Variants in CTSS observed in about 807,000 individuals in gnomAD.
CTSS encodes cathepsin S.
A neutral mutation model predicts 39.9 loss-of-function variants in CTSS; 15 were observed. The observed-to-expected ratio is 0.38, with a 90% CI of 0.25 to 0.58. The LOEUF is 0.58. Ranked by LOEUF, CTSS falls within the 20% of genes least tolerant of loss-of-function variation. The pLI, the probability that CTSS is intolerant of heterozygous loss-of-function variation, is 0.70. For missense variants in CTSS, 250 were observed against 398.2 expected, an observed-to-expected ratio of 0.63 and a Z score of 3.17; for synonymous variants, 126 against 138.2, an observed-to-expected ratio of 0.91 and a Z score of 0.62.
Position 150,757,948 on chromosome 1 carries a change from T to G in CTSS, c.159A>C (p.Glu53Asp). The change falls in exon 3 of 8, where the codon GAA (glutamate) becomes GAC (aspartate). Residue 53 changes from glutamate (E) to aspartate (D), a missense_variant. Physicochemically the swap from Glu to Asp is conservative, Grantham distance 45. Transcript: ENST00000368985. ...GAAGCATCACAAACTTTAGATTCTT[T>G]TCCCAGATGAGACGTCGTACTGCTT... ...NEEAVRRLIW[E>D]KNLKFVMLHN... 2 of 1,614,078 alleles carry G rather than the reference T, an allele frequency of 1.2e-6. No individual in the cohort carries two copies. Among genetic ancestry groups the G allele is most frequent in the Non-Finnish European group, 1.7e-6 (2 of 1,179,952 alleles).
chr1:150,760,862 C>T (rs1358146218), intron 2 of CTSS, among the ~76,000 whole-genome samples: 1 of 146,436 alleles, frequency 6.8e-6, no homozygotes, highest in East Asian at 2.0e-4. Flanking sequence ...ACCTGGGTGA[C>T]AGAGCAAGAT....
At chr1:150,762,338 T>C (rs587636064) in intron 2 of CTSS, among the ~76,000 whole-genome samples, 3 of 152,100 alleles carry the variant, frequency 2.0e-5, no homozygotes, top group Admixed American at 1.3e-4. Flanking sequence ...TAAGAAAATA[T>C]AGGGGAAAAC....
intron 1 of CTSS, among the ~76,000 whole-genome samples, chr1:150,765,314 C>G (rs1653352865): frequency 6.7e-6 from 1 of 150,116 alleles, no homozygotes; most frequent in African/African-American, 2.5e-5. Context: ...GATCAGACAT[C>G]TGTTTCAAAT....
intron 3 of CTSS, among the ~76,000 whole-genome samples, chr1:150,756,060 T>TTA (rs1187121685): frequency 1.1e-4 from 16 of 152,178 alleles, no homozygotes; most frequent in African/African-American, 3.6e-4. Context: ...ATTTTCTTCT[T>TTA]TATCACCTTC....
chr1:150,764,268 C>T (rs1192003973), intron 2 of CTSS, among the ~76,000 whole-genome samples: 2 of 152,082 alleles, frequency 1.3e-5, no homozygotes, highest in African/African-American at 2.4e-5. Flanking sequence ...GATGGAGTCT[C>T]ACTCTGTCAC....
chr1:150,752,592 C>T (rs1653029924), intron 4 of CTSS, among the ~76,000 whole-genome samples: 1 of 152,046 alleles, frequency 6.6e-6, no homozygotes, highest in Non-Finnish European at 1.5e-5. Context: ...CTCTTTCTCT[C>T]TCCTTCCCTC....
intron 7 of CTSS, among the ~76,000 whole-genome samples, chr1:150,745,704 CAT>C (rs1341190587): frequency 1.3e-5 from 2 of 151,894 alleles, no homozygotes; most frequent in Non-Finnish European, 2.9e-5. Context: ...GACAGAAATG[CAT>C]ACAGGGAGAA....
intron 2 of CTSS, among the ~76,000 whole-genome samples, chr1:150,759,616 A>G (rs938042279): frequency 6.6e-6 from 1 of 152,166 alleles, no homozygotes; most frequent in African/African-American, 2.4e-5. Context: ...CTTTATATAT[A>G]GTCTTTTGAA....
intron 7 of CTSS, among the ~76,000 whole-genome samples, chr1:150,743,224 A>T (rs1035086117): frequency 2.0e-5 from 3 of 151,992 alleles, no homozygotes; most frequent in African/African-American, 7.2e-5. Flanking sequence ...GCCATTGCAT[A>T]TGTTTTTTGG....
rs200031254 is a variant in CTSS, at chr1:150,740,351, C to CT, written c.897-7207dup. Among the ~76,000 whole-genome samples, 535 of 151,954 alleles carry CT rather than the reference C, an allele frequency of 3.5e-3. 1 individual carries two copies. Among genetic ancestry groups the CT allele is most frequent in the Non-Finnish European group, 6.5e-3 (443 of 67,938 alleles). ...AAAAAATGAATAGGATTTGTAATGA[C>CT]TTTTTTTTCATTTTAAAATTAATAC... On this transcript the variant is annotated intron_variant, in intron 7 of 7. Transcript: ENST00000368985.
At chr1:150,743,617 TGTATATTATGTATACATAATATATTA>T (rs1272869050) in intron 7 of CTSS, among the ~76,000 whole-genome samples, 7 of 95,820 alleles carry the variant, frequency 7.3e-5, no homozygotes, top group African/African-American at 1.6e-4. Flanking sequence ...ATATTATATA[TGTATATTATGTATACATAATATATTA>T]TATATGTATA....
At chr1:150,744,960 T>C (rs1652863412) in intron 7 of CTSS, among the ~76,000 whole-genome samples, 2 of 152,090 alleles carry the variant, frequency 1.3e-5, no homozygotes, top group East Asian at 1.9e-4. Flanking sequence ...GGGAGTTCCT[T>C]AGAGAGTCAA....
At chr1:150,740,548 G>A (rs1207069557) in intron 7 of CTSS, among the ~76,000 whole-genome samples, 4 of 152,018 alleles carry the variant, frequency 2.6e-5, no homozygotes, top group South Asian at 4.2e-4. Context: ...GCGCCACCAC[G>A]CCTGGCTAAT....
At chr1:150,740,303 A>G (rs1048791376) in intron 7 of CTSS, among the ~76,000 whole-genome samples, 1 of 152,242 alleles carries the variant, frequency 6.6e-6, no homozygotes, top group Admixed American at 6.5e-5. Context: ...GGTATGAAGG[A>G]GATAGTATTT....
chr1:150,751,087 T>C (rs1303668402), intron 5 of CTSS, among the ~76,000 whole-genome samples: 1 of 152,202 alleles, frequency 6.6e-6, no homozygotes, highest in Non-Finnish European at 1.5e-5. Flanking sequence ...GTTATCGTTA[T>C]ATCAAAATGT....
intron 7 of CTSS, among the ~76,000 whole-genome samples, chr1:150,745,617 AC>A (rs1163897734): frequency 6.6e-6 from 1 of 151,922 alleles, no homozygotes; most frequent in Non-Finnish European, 1.5e-5. Context: ...AACATTGATC[AC>A]CCCACTGCAC....
At chr1:150,744,587 TTATA>T (rs1376310748) in intron 7 of CTSS, among the ~76,000 whole-genome samples, 23 of 125,100 alleles carry the variant, frequency 1.8e-4, no homozygotes, top group African/African-American at 3.6e-4. Context: ...ATATTATATA[TTATA>T]TATGTATATT....
rs1652791659 is a variant in CTSS at position 150,742,668 on chromosome 1, AG to A, written c.896+5108del. On this transcript the variant is annotated intron_variant, in intron 7 of 7. Coordinates refer to ENST00000368985, the MANE Select transcript of CTSS (RefSeq NM_004079.5). Reference sequence around the variant, plus strand: ...GGTAGAATGGAATCTGAATTACAGCAGGGCCATTGGGAATGGCAAAGAGAAA... The same window carrying A: ...GGTAGAATGGAATCTGAATTACAGCAGGCCATTGGGAATGGCAAAGAGAAA... 2.6e-5 allele frequency among the ~76,000 whole-genome samples: 4 copies of A among 152,142 alleles called. No individual in the cohort carries two copies. In the South Asian group the frequency reaches 8.3e-4, roughly 31 times the overall value.
In CTSS at chr1:150,732,358, T is replaced by C. The variant is rs1652542686; in HGVS notation, c.*688A>G. On this transcript the variant is annotated 3_prime_UTR_variant, in exon 8 of 8. Transcript: ENST00000368985. ...TAGATTATTAATAGTTGCCTAGGAA[T>C]AAGAATGGTATGTGGCAATGATAGA... 1 of 152,182 alleles carries C rather than the reference T, an allele frequency of 6.6e-6. No homozygotes were observed. The highest frequency in any genetic ancestry group is 2.1e-4 in the South Asian group (1 of 4,828). 9.4% of individuals were successfully genotyped at this position (152,182 alleles called of 1,614,324 possible).
Sources: gnomAD v4.1 joint callset for allele counts (sites outside exome capture counted in the v4.1 genomes callset) on GRCh38, gnomAD v4.1.1 for gene constraint, MANE v1.5 for transcripts, NCBI Gene and HGNC (gene_info 2026-07-23, HGNC 2026-07-21) for gene names.